Variants in MTOR observed in about 807,000 individuals in gnomAD.
MTOR encodes mechanistic target of rapamycin kinase, also known as serine/threonine-protein kinase mTOR.
MTOR carries 70 observed loss-of-function variants against 319.8 expected under a neutral mutation model. That is an observed-to-expected ratio of 0.22 (90% CI 0.18 to 0.27). The LOEUF (loss-of-function observed/expected upper bound fraction) is 0.27, where lower values mean the gene tolerates loss of function less well. Among genes scored for constraint, MTOR ranks in the 10% least tolerant of loss-of-function variants. The pLI is 1.00. For synonymous variants in MTOR, 1,183 were observed against 1,211.4 expected, an observed-to-expected ratio of 0.98 and a Z score of 0.49; for missense variants, 1,890 against 3,274.4, an observed-to-expected ratio of 0.58 and a Z score of 10.32.
At chr1:11,226,962 G>A (rs1485993785) in intron 19 of MTOR, among the ~76,000 whole-genome samples, 1 of 106,884 alleles carries the variant, frequency 9.4e-6, no homozygotes, top group South Asian at 3.4e-4. Context: ...TAATTATATA[G>A]AGTAAAAACC....
intron 28 of MTOR, among the ~76,000 whole-genome samples, chr1:11,173,728 T>C (rs778808343): frequency 6.6e-6 from 1 of 152,218 alleles, no homozygotes; most frequent in Non-Finnish European, 1.5e-5. Flanking sequence ...CTTATTTCCT[T>C]CTGAGGAGTT....
intron 46 of MTOR, among the ~76,000 whole-genome samples, chr1:11,125,166 G>A (rs1054129295): frequency 2.0e-5 from 3 of 152,192 alleles, no homozygotes; most frequent in Non-Finnish European, 4.4e-5. Flanking sequence ...TGCTCTTTCA[G>A]TTCTGGAGTG....
chr1:11,238,571 C>G lies in MTOR; in HGVS notation c.1833G>C (p.Leu611=), dbSNP rs1569743572. The change falls in exon 12 of 58, where the codon CTG becomes CTC. Residue 611 remains leucine, a synonymous_variant. Coordinates refer to ENST00000361445, the MANE Select transcript of MTOR (RefSeq NM_004958.4). ...TGCGGATCTCCTTGTGCTCACTGTT[C>G]AGGAAATGATCCGCACAGTGGCGAA... is the stretch of plus-strand genomic sequence containing the variant. ...QFVRHCADHF[L]NSEHKEIRME... is the part of the protein sequence containing the mutation. 1.2e-6 allele frequency: 2 copies of G among 1,614,138 alleles called. No homozygotes were observed. The highest frequency in any genetic ancestry group is 8.5e-7 in the Non-Finnish European group (1 of 1,180,020).
At chr1:11,165,548 G>A (rs1386902554) in intron 29 of MTOR, among the ~76,000 whole-genome samples, 2 of 151,842 alleles carry the variant, frequency 1.3e-5, no homozygotes, top group African/African-American at 4.8e-5. Context: ...GGATGTGAAG[G>A]ACCTCTTCAA....
intron 29 of MTOR, among the ~76,000 whole-genome samples, chr1:11,165,495 T>C (rs1370559271): frequency 1.3e-5 from 2 of 152,008 alleles, no homozygotes; most frequent in African/African-American, 2.4e-5. Context: ...CCATTCACAA[T>C]TGCTTCAAAG....
rs1644089612 is a variant in MTOR, at chr1:11,150,129, A to C, written c.4567T>G (p.Leu1523Val). ...GTGCCTGTGAGGGAAGCTTTACCTAAACCCCATGCAGCTGCAGCAGCCATC... is the reference window on the plus strand; with the variant it reads ...GTGCCTGTGAGGGAAGCTTTACCTACACCCCATGCAGCTGCAGCAGCCATC... ...ARMAAAAAWG[L>V]GQWDSMEEYT... Residue 1523 changes from leucine (L) to valine (V), a missense_variant, in exon 31 of 58, where the codon TTA (leucine) becomes GTA (valine). Leu to Val is a conservative substitution (Grantham distance 32, BLOSUM62 1). This residue lies in a region of MTOR where 276 missense variants were observed against 459.4 expected (regional missense o/e 0.60). Transcript: ENST00000361445. The C allele has an allele frequency of 6.2e-7, 1 of 1,613,486 alleles. No homozygotes were observed. Among genetic ancestry groups the C allele is most frequent in the Admixed American group, 1.7e-5 (1 of 59,958 alleles).
Position 11,213,317 on chromosome 1 carries a change from T to A in MTOR, c.3285+82A>T, listed in dbSNP as rs137952943. ...ATGGGCATCAACCTGTCACTCAGAA[T>A]GAGGTCTCAGCTTTTAGCTGATCAC... On this transcript the variant is annotated intron_variant, in intron 21 of 57. Transcript: ENST00000361445. The A allele has an allele frequency of 9.9e-5, 144 of 1,455,716 alleles. 1 individual carries two copies. In the East Asian group the frequency reaches 3.3e-3, roughly 33 times the overall value. The allele number at this position is 1,455,716 out of a possible 1,614,324, so 90.2% of individuals were successfully genotyped here.
At chr1:11,125,281 TC>T (rs1296748753) in intron 46 of MTOR, among the ~76,000 whole-genome samples, 3 of 152,186 alleles carry the variant, frequency 2.0e-5, no homozygotes, top group Non-Finnish European at 4.4e-5. Context: ...ACAATTCCTT[TC>T]TTAAACTCTC....
chr1:11,242,995 G>C, intron 9 of MTOR, 119 bp downstream of exon 9: 1 of 958,462 alleles, frequency 1.0e-6, no homozygotes. Flanking sequence ...CATATGATTT[G>C]CTATACCCTG....
chr1:11,206,146 T>G (rs1646130750), intron 25 of MTOR, among the ~76,000 whole-genome samples: 1 of 152,248 alleles, frequency 6.6e-6, no homozygotes, highest in Non-Finnish European at 1.5e-5. Context: ...TAGACCTTGC[T>G]CTGTTGAGCA....
intron 34 of MTOR, among the ~76,000 whole-genome samples, chr1:11,140,258 A>G: frequency 7.5e-6 from 1 of 134,214 alleles, no homozygotes; most frequent in East Asian, 2.2e-4. Flanking sequence ...GCAGTCCCCA[A>G]CCTTTTTGGC....
chr1:11,235,765 T>C (rs936426044), intron 13 of MTOR, among the ~76,000 whole-genome samples: 14 of 152,050 alleles, frequency 9.2e-5, no homozygotes, highest in Non-Finnish European at 1.8e-4. Context: ...GGGCAGACCA[T>C]GAGGTCAAGA....
In MTOR at chr1:11,258,468, A is replaced by G; in HGVS notation, c.271+17T>C. 6.3e-7 allele frequency: 1 copy of G among 1,577,238 alleles called. No individual in the cohort carries two copies. Among genetic ancestry groups the G allele is most frequent in the South Asian group, 1.1e-5 (1 of 89,918 alleles). On this transcript the variant is annotated intron_variant, in intron 3 of 57. Transcript: ENST00000361445. The stretch of plus-strand genomic sequence containing the variant: ...AGGTGAGTGTGTTGTTTTTGTGACC[A>G]GAGACTCTGTCCTTACCTATGGCCA...
At chr1:11,126,856 T>A in intron 45 of MTOR, 60 bp from the exon 46 acceptor site, 1 of 1,588,352 alleles carries the variant, frequency 6.3e-7, no homozygotes, top group East Asian at 2.2e-5. Context: ...TAAACGCAAT[T>A]TAAGTATTTT....
chr1:11,138,255 T>C (rs900703059), intron 36 of MTOR, among the ~76,000 whole-genome samples: 1 of 152,120 alleles, frequency 6.6e-6, no homozygotes, highest in East Asian at 1.9e-4. Context: ...GAGGTCAGGC[T>C]TTGAATCAGA....
chr1:11,231,464 A>G, intron 16 of MTOR, 30 bp from the exon 17 acceptor site: 1 of 1,611,744 alleles, frequency 6.2e-7, no homozygotes, highest in Non-Finnish European at 8.5e-7. Context: ...CGATTCAATG[A>G]GCCAGTACGA....
chr1:11,147,279 C>T (rs781141601), intron 31 of MTOR, among the ~76,000 whole-genome samples: 11 of 151,518 alleles, frequency 7.3e-5, no homozygotes, highest in Non-Finnish European at 1.5e-4. Flanking sequence ...TTGCCCATTT[C>T]ATTCTGGCAA....
At chr1:11,216,361 G>T (rs1296541654) in intron 19 of MTOR, 127 bp from the exon 20 acceptor site, 1 of 609,958 alleles carries the variant, frequency 1.6e-6, no homozygotes, top group Admixed American at 2.8e-5. Flanking sequence ...TATCTACTGA[G>T]AATATATTTC....
At chr1:11,261,461 A>G (rs935063602) in intron 1 of MTOR, among the ~76,000 whole-genome samples, 3 of 151,848 alleles carry the variant, frequency 2.0e-5, no homozygotes, top group Non-Finnish European at 2.9e-5. Flanking sequence ...GACAGAGCGA[A>G]ACTCCGTCTC....
Sources: allele counts gnomAD v4.1 joint callset (sites outside exome capture counted in the v4.1 genomes callset), GRCh38; gene constraint gnomAD v4.1.1; regional missense constraint gnomAD v4.1.1; transcripts MANE v1.5; gene names NCBI Gene and HGNC (gene_info 2026-07-23, HGNC 2026-07-21).